The following VIPR1 variants were observed in gnomAD, a reference collection of about 807,000 sequenced individuals.
VIPR1 encodes vasoactive intestinal peptide receptor 1, also known as vasoactive intestinal polypeptide receptor 1.
Under a neutral mutation model 58.8 loss-of-function variants are expected in VIPR1, and 59 were observed. The ratio of observed to expected loss-of-function variants is 1.00; its 90% CI spans 0.81 to 1.25. VIPR1 has a LOEUF of 1.25. Ranked by LOEUF, VIPR1 falls within the 50% of genes most tolerant of loss-of-function variation. The pLI is 0.00. For synonymous variants in VIPR1, 251 were observed against 242.1 expected (o/e 1.04, Z -0.34); for missense variants, 626 against 602.7 (o/e 1.04, Z -0.40).
intron 1 of VIPR1, among the ~76,000 whole-genome samples, chr3:42,491,213 AT>A (rs1699658684): frequency 4.6e-5 from 7 of 152,264 alleles, no homozygotes; most frequent in Admixed American, 4.6e-4. Context: ...GAATCTCTGT[AT>A]TTAAGCAAAC....
At chr3:42,492,696 C>A (rs1402276860) in intron 1 of VIPR1, among the ~76,000 whole-genome samples, 1 of 152,240 alleles carries the variant, frequency 6.6e-6, no homozygotes, top group Non-Finnish European at 1.5e-5. Context: ...CATTTGTTTT[C>A]AAGTGCCAAG....
chr3:42,508,290 G>T (rs1006442265), intron 1 of VIPR1, among the ~76,000 whole-genome samples: 1 of 152,120 alleles, frequency 6.6e-6, no homozygotes, highest in African/African-American at 2.4e-5. Flanking sequence ...GAAGTAGGTG[G>T]TATTGTTATT....
intron 3 of VIPR1, among the ~76,000 whole-genome samples, chr3:42,522,858 G>A (rs939785644): frequency 5.9e-5 from 9 of 152,218 alleles, no homozygotes; most frequent in African/African-American, 2.2e-4. Flanking sequence ...ATCCTAGCTA[G>A]GCACAAGCGG....
At chr3:42,519,604 C>A in intron 3 of VIPR1, 1 of 333,160 alleles carries the variant, frequency 3.0e-6, no homozygotes, top group South Asian at 5.5e-5. Flanking sequence ...TAAATTATGA[C>A]TCCCATAGTC....
intron 5 of VIPR1, 169 bp from the exon 6 acceptor site, chr3:42,527,822 A>G (rs1002931857): frequency 1.2e-5 from 12 of 979,490 alleles, no homozygotes; most frequent in Admixed American, 2.3e-5. Context: ...TGGATGGGGT[A>G]CCTGGGGGTG....
intron 11 of VIPR1, 106 bp downstream of exon 11, chr3:42,535,210 T>C: frequency 6.3e-7 from 1 of 1,599,462 alleles, no homozygotes; most frequent in Non-Finnish European, 8.5e-7. Flanking sequence ...CTGTAATAAG[T>C]ATTAGATAAG....
At chr3:42,529,484 A>AG (rs1701411912) in intron 6 of VIPR1, 2 of 150,908 alleles carry the variant, frequency 1.3e-5, no homozygotes, top group Admixed American at 6.6e-5. Context: ...AAAAAAAAAA[A>AG]GAGTTATTCT....
At chr3:42,504,279 G>T (rs1169577045) in intron 1 of VIPR1, among the ~76,000 whole-genome samples, 2 of 152,088 alleles carry the variant, frequency 1.3e-5, no homozygotes, top group Non-Finnish European at 2.9e-5. Context: ...GAGCCCAGGG[G>T]CAGAGTGGAT....
intron 10 of VIPR1, chr3:42,533,918 CAG>C (rs1272377403): frequency 2.6e-5 from 4 of 152,276 alleles, no homozygotes; most frequent in African/African-American, 4.8e-5. Flanking sequence ...GCAGGAGAGA[CAG>C]AGTCAGAGAC....
chr3:42,527,523 T>C (rs1040503589), intron 5 of VIPR1, 27 bp downstream of exon 5: 1 of 1,608,104 alleles, frequency 6.2e-7, no homozygotes. Context: ...GTCACAGGCC[T>C]CAAAGCAAAC....
At chr3:42,519,101 A>C in intron 2 of VIPR1, 122 bp from the exon 3 acceptor site, 4 of 733,326 alleles carry the variant, frequency 5.5e-6, no homozygotes, top group Non-Finnish European at 6.1e-6. Flanking sequence ...CTCAGACTGG[A>C]GGCTCCTTGA....
rs773803275 is a variant in VIPR1 at position 42,534,959 on chromosome 3, C to T, written c.1011-16C>T. On this transcript the variant is annotated splice_polypyrimidine_tract_variant and intron_variant, in intron 10 of 12. Coordinates refer to ENST00000325123, the MANE Select transcript of VIPR1 (RefSeq NM_004624.4). ...TGGACACACATACCCATGGCCTGTC[C>T]CTCCCCTGTCTCCAGAAGGCTAGCC... 3.1e-6 allele frequency: 5 copies of T among 1,613,918 alleles called. No individual in the cohort carries two copies. Among genetic ancestry groups the T allele is most frequent in the Non-Finnish European group, 4.2e-6 (5 of 1,179,854 alleles).
chr3:42,531,348 C>A, intron 7 of VIPR1, 123 bp from the exon 8 acceptor site: 1 of 1,044,088 alleles, frequency 9.6e-7, no homozygotes, highest in Non-Finnish European at 1.4e-6. Context: ...AGACAGCAGA[C>A]TGACAACCCA....
chr3:42,520,118 G>A (rs1029454701), intron 3 of VIPR1, among the ~76,000 whole-genome samples: 1 of 152,308 alleles, frequency 6.6e-6, no homozygotes, highest in Admixed American at 6.5e-5. Context: ...AGGTGAGAAA[G>A]AACCACCAGG....
upstream of VIPR1, among the ~76,000 whole-genome samples, chr3:42,501,513 A>T (rs1207347124): frequency 1.3e-5 from 2 of 152,194 alleles, no homozygotes; most frequent in Non-Finnish European, 2.9e-5. The surrounding 1 kb of genome is among the most constrained non-coding windows in gnomAD (Gnocchi z 4.8). Context: ...TCGATTGTGC[A>T]GGCTCGAGCC....
At chr3:42,490,934 G>T (rs567609935) in intron 1 of VIPR1, among the ~76,000 whole-genome samples, 2 of 152,004 alleles carry the variant, frequency 1.3e-5, no homozygotes, top group African/African-American at 4.8e-5. Context: ...AGAGGTGAAG[G>T]ATTGTGATGG....
chr3:42,536,189 G>T lies in VIPR1; in HGVS notation c.1282G>T (p.Ala428Ser). Residue 428 changes from alanine (A) to serine (S), a missense_variant, in exon 13 of 13, where the codon GCC (alanine) becomes TCC (serine). Transcript: ENST00000325123. ...YRHPSGGSNG[A>S]TCSTQVSMLT... Reference sequence around the variant, plus strand: ...GCACCCGTCGGGAGGCAGCAACGGCGCCACGTGCAGCACGCAGGTTTCCAT... The same window carrying T: ...GCACCCGTCGGGAGGCAGCAACGGCTCCACGTGCAGCACGCAGGTTTCCAT... The T allele has an allele frequency of 6.2e-7, 1 of 1,602,358 alleles. No homozygotes were observed. The highest frequency in any genetic ancestry group is 8.5e-7 in the Non-Finnish European group (1 of 1,175,336).
At chr3:42,534,108 G>T (rs1308235972) in intron 10 of VIPR1, 1 of 152,276 alleles carries the variant, frequency 6.6e-6, no homozygotes, top group Non-Finnish European at 1.5e-5. Context: ...TGTGAAGAAG[G>T]AGCTGGTCCT....
chr3:42,533,880 G>A (rs932023281), intron 10 of VIPR1: 1 of 152,312 alleles, frequency 6.6e-6, no homozygotes, highest in Admixed American at 6.5e-5. Context: ...CAGGCCTTGG[G>A]CTAGACTTCC....
Sources: gnomAD v4.1 joint callset for allele counts (sites outside exome capture counted in the v4.1 genomes callset) on GRCh38, gnomAD v4.1.1 for gene constraint, Gnocchi (gnomAD v3.1) non-coding constraint, MANE v1.5 for transcripts, NCBI Gene and HGNC (gene_info 2026-07-23, HGNC 2026-07-21) for gene names.